The following SPRYD7 variants were observed in gnomAD, a reference collection of about 807,000 sequenced individuals.
The protein encoded by SPRYD7 is SPRY domain-containing protein 7.
Under a neutral mutation model 23.8 loss-of-function variants are expected in SPRYD7, and 14 were observed. The ratio of observed to expected loss-of-function variants is 0.59; its 90% CI spans 0.39 to 0.92. The LOEUF is 0.92. Ranked by LOEUF, SPRYD7 falls within the 40% of genes least tolerant of loss-of-function variation. SPRYD7 has a pLI of 0.00. For synonymous variants in SPRYD7, 75 were observed against 84.9 expected (o/e 0.88, Z 0.64); for missense variants, 194 against 241.7 (o/e 0.80, Z 1.31).
intron 4 of SPRYD7, among the ~76,000 whole-genome samples, chr13:49,916,766 G>A (rs1248693065): frequency 6.6e-6 from 1 of 152,134 alleles, no homozygotes; most frequent in African/African-American, 2.4e-5. Context: ...CACTGAAGAG[G>A]GAGGCCCATG....
chr13:49,921,741 G>A (rs917802692), intron 3 of SPRYD7, among the ~76,000 whole-genome samples, 161 bp from the exon 4 acceptor site: 1 of 152,188 alleles, frequency 6.6e-6, no homozygotes, highest in Admixed American at 6.5e-5. Context: ...AAAAAAATGA[G>A]TAGTGATTAT....
chr13:49,926,200 A>G (rs1026986821), intron 3 of SPRYD7, among the ~76,000 whole-genome samples: 4 of 152,322 alleles, frequency 2.6e-5, no homozygotes, highest in Non-Finnish European at 2.9e-5. Context: ...TCGAAGTCTA[A>G]TTTAACAACA....
intron 3 of SPRYD7, among the ~76,000 whole-genome samples, chr13:49,922,309 T>A (rs1313978549): frequency 2.0e-5 from 3 of 148,742 alleles, no homozygotes; most frequent in Non-Finnish European, 4.5e-5. Flanking sequence ...AAATAAAATA[T>A]TTATTTGTAT....
Position 49,921,473 on chromosome 13 carries a change from C to T in SPRYD7, c.493+5G>A. On this transcript the variant is annotated splice_donor_5th_base_variant and intron_variant, in intron 4 of 4. Coordinates refer to ENST00000361840, the MANE Select transcript of SPRYD7 (RefSeq NM_020456.4). ...TAATAATACATTAGAAATATTTTTGCTTACCATAAACAACTGGATACACTG... is the reference window on the plus strand; with the variant it reads ...TAATAATACATTAGAAATATTTTTGTTTACCATAAACAACTGGATACACTG... 6.3e-7 allele frequency: 1 copy of T among 1,584,504 alleles called. No homozygotes were observed.
At chr13:49,930,822 A>G (rs1955939618) in intron 2 of SPRYD7, among the ~76,000 whole-genome samples, 196 bp downstream of exon 2, 1 of 152,184 alleles carries the variant, frequency 6.6e-6, no homozygotes, top group African/African-American at 2.4e-5. Context: ...TACCCATTTT[A>G]TAGATGAGAA....
At position 49,921,473 on chromosome 13, in the gene SPRYD7, CT is replaced by C; in HGVS notation, c.493+4del. On this transcript the variant is annotated splice_donor_region_variant and intron_variant, in intron 4 of 4. Transcript: ENST00000361840. The stretch of plus-strand genomic sequence containing the variant: ...TAATAATACATTAGAAATATTTTTG[CT>C]TACCATAAACAACTGGATACACTGT... The C allele has an allele frequency of 6.3e-7, 1 of 1,584,500 alleles. No individual in the cohort carries two copies.
intron 3 of SPRYD7, among the ~76,000 whole-genome samples, chr13:49,924,881 C>A (rs571669754): frequency 6.6e-6 from 1 of 150,846 alleles, no homozygotes; most frequent in Non-Finnish European, 1.5e-5. Flanking sequence ...GAGGCTGAGG[C>A]AGGAGAACCG....
At chr13:49,927,831 C>T in intron 3 of SPRYD7, 88 bp downstream of exon 3, 2 of 1,437,978 alleles carry the variant, frequency 1.4e-6, no homozygotes, top group Non-Finnish European at 1.9e-6. Context: ...GGAATTCAAA[C>T]CACAAACTCC....
rs763469553 is a variant in SPRYD7 at position 49,928,025 on chromosome 13, C to T, written c.284G>A (p.Arg95Gln). 5.0e-6 allele frequency: 8 copies of T among 1,613,970 alleles called. No homozygotes were observed. The highest frequency in any genetic ancestry group is 1.1e-5 in the South Asian group (1 of 91,076). Reference sequence around the variant, plus strand: ...TCTCATCACCAGACTGTGCATATCTCGGCCAAGAGGAATCTGATTCAAGTT... The same window carrying T: ...TCTCATCACCAGACTGTGCATATCTTGGCCAAGAGGAATCTGATTCAAGTT... The part of the protein sequence containing the change: ...KVNLNQIPLG[R>Q]DMHSLVMRND... The change falls in exon 3 of 5, where the codon CGA becomes CAA. Residue 95 changes from arginine (R) to glutamine (Q), a missense_variant. Arg to Gln is a conservative substitution (Grantham distance 43). Transcript: ENST00000361840.
At chr13:49,930,189 GA>G (rs1485191920) in intron 2 of SPRYD7, among the ~76,000 whole-genome samples, 2 of 152,118 alleles carry the variant, frequency 1.3e-5, no homozygotes, top group Non-Finnish European at 2.9e-5. Context: ...TACAGTTCAA[GA>G]AACTCCATAA....
chr13:49,930,995 T>C (rs1955941301), intron 2 of SPRYD7, 23 bp downstream of exon 2: 3 of 1,394,968 alleles, frequency 2.2e-6, no homozygotes, highest in African/African-American at 1.4e-5. Context: ...GGACTTTTAA[T>C]AGTAAAGTAC....
intron 1 of SPRYD7, among the ~76,000 whole-genome samples, chr13:49,933,146 G>C (rs1247418877): frequency 6.6e-6 from 1 of 152,178 alleles, no homozygotes; most frequent in Non-Finnish European, 1.5e-5. Context: ...ACAGTTCCAA[G>C]AAAGCTGACT....
chr13:49,920,597 T>C (rs970480987), intron 4 of SPRYD7, among the ~76,000 whole-genome samples: 4 of 152,180 alleles, frequency 2.6e-5, no homozygotes, highest in African/African-American at 9.7e-5. Flanking sequence ...TTTTAATACA[T>C]GGGGAACAGA....
chr13:49,918,151 C>A lies in SPRYD7; in HGVS notation c.494-2991G>T, dbSNP rs148909129. On this transcript the variant is annotated intron_variant, in intron 4 of 4. Coordinates refer to ENST00000361840, the MANE Select transcript of SPRYD7 (RefSeq NM_020456.4). ...GATCACTGCTCACAGGAGACTTGAC[C>A]TCCCCGGCTCAAGAGATCCTCTCAG... Among the ~76,000 whole-genome samples, 1,185 of 152,218 alleles carry A rather than the reference C, an allele frequency of 7.8e-3. 9 individuals carry two copies. The highest frequency in any genetic ancestry group is 0.026 in the African/African-American group (1,081 of 41,542).
chr13:49,923,162 C>G (rs1314916209), intron 3 of SPRYD7, among the ~76,000 whole-genome samples: 4 of 151,950 alleles, frequency 2.6e-5, no homozygotes, highest in Non-Finnish European at 5.9e-5. Context: ...ATGGGACTAC[C>G]AGAAATCTAG....
At chr13:49,933,330 G>A (rs952027582) in intron 1 of SPRYD7, among the ~76,000 whole-genome samples, 3 of 152,184 alleles carry the variant, frequency 2.0e-5, no homozygotes, top group Non-Finnish European at 4.4e-5. Context: ...GCCAGGCGAG[G>A]TGGCTAACAC....
At position 49,921,578 on chromosome 13, in the gene SPRYD7, A is replaced by C; in HGVS notation, c.393T>G (p.Gly131=). 1 of 1,589,584 alleles carries C rather than the reference A, an allele frequency of 6.3e-7. No individual in the cohort carries two copies. Among genetic ancestry groups the C allele is most frequent in the Non-Finnish European group, 8.6e-7 (1 of 1,158,304 alleles). ...NSLPQEGDVV[G]ITYDHVELNV... Reference sequence around the variant, plus strand: ...TTAATTCGACATGGTCATAAGTAATACCCTAGGAAGGAAAAAACAGAAACG... The same window carrying C: ...TTAATTCGACATGGTCATAAGTAATCCCCTAGGAAGGAAAAAACAGAAACG... The change falls in exon 4 of 5, where the codon GGT becomes GGG. Residue 131 remains glycine (G), a splice_region_variant and synonymous_variant. Transcript: ENST00000361840.
At chr13:49,921,447 G>A (rs1159678967) in intron 4 of SPRYD7, 31 bp downstream of exon 4, 2 of 1,341,022 alleles carry the variant, frequency 1.5e-6, no homozygotes, top group Admixed American at 3.4e-5. Flanking sequence ...TAATATGTAT[G>A]TAATAATACA....
Position 49,913,071 on chromosome 13 carries a change from G to A in SPRYD7, c.*1992C>T, listed in dbSNP as rs1212793026. 6.6e-6 allele frequency: 1 copy of A among 152,138 alleles called. No homozygotes were observed. The highest frequency in any genetic ancestry group is 1.5e-5 in the Non-Finnish European group (1 of 68,044). The allele number at this position is 152,138 out of a possible 1,614,324, so 9.4% of individuals were successfully genotyped here. Reference sequence around the variant, plus strand: ...TGGGTCTGGTGTGGGTTCTGAGAGTGTCCATTTTTAACAAGTTCCAGTGAT... The same window carrying A: ...TGGGTCTGGTGTGGGTTCTGAGAGTATCCATTTTTAACAAGTTCCAGTGAT... On this transcript the variant is annotated 3_prime_UTR_variant, in exon 5 of 5. Coordinates refer to ENST00000361840, the MANE Select transcript of SPRYD7 (RefSeq NM_020456.4).
Sources: gnomAD v4.1 joint callset for allele counts (sites outside exome capture counted in the v4.1 genomes callset) on GRCh38, gnomAD v4.1.1 for gene constraint, MANE v1.5 for transcripts, NCBI Gene and HGNC (gene_info 2026-07-23, HGNC 2026-07-21) for gene names.